Variants in CYP24A1 observed in about 807,000 individuals in gnomAD.
CYP24A1 encodes cytochrome P450 family 24 subfamily A member 1, also known as 1,25-dihydroxyvitamin D(3) 24-hydroxylase, mitochondrial.
CYP24A1 carries 68 observed loss-of-function variants against 62.4 expected under a neutral mutation model. The observed-to-expected ratio is 1.09, with a 90% CI of 0.90 to 1.33. The LOEUF is 1.33. CYP24A1 is among the 40% of genes most tolerant of loss of function. The probability of loss-of-function intolerance (pLI) is 0.00; values close to 1 mark genes in which losing one functional copy is unlikely to be tolerated. For synonymous variants in CYP24A1, 267 were observed against 253.0 expected, an observed-to-expected ratio of 1.06 and a Z score of -0.52; for missense variants, 787 against 653.0, an observed-to-expected ratio of 1.21 and a Z score of -2.24.
At position 54,173,104 on chromosome 20, in the gene CYP24A1, A is replaced by G. The variant is rs372360343; in HGVS notation, c.259-5T>C. 211 of 1,601,806 alleles carry G rather than the reference A, an allele frequency of 1.3e-4. 1 individual carries two copies. The highest frequency in any genetic ancestry group is 2.5e-5 in the Non-Finnish European group (29 of 1,179,872). On this transcript the variant is annotated splice_polypyrimidine_tract_variant and splice_region_variant and intron_variant, in intron 1 of 11. Coordinates refer to ENST00000216862, the MANE Select transcript of CYP24A1 (RefSeq NM_000782.5). The surrounding 1 kb of genome is among the most constrained non-coding windows in gnomAD (Gnocchi z 7.2). ...ATACTTCTTGTGGTACTCCACCTGC[A>G]GCCGGCCGGGCACAGCGCGGTGTCA...
chr20:54,170,570 AAAC>A (rs1438591102), intron 3 of CYP24A1, among the ~76,000 whole-genome samples: 5 of 152,140 alleles, frequency 3.3e-5, no homozygotes, highest in Non-Finnish European at 5.9e-5. Context: ...CCATTAAAAA[AAAC>A]AAGAGGTTTC....
chr20:54,144,234 C>T, the CYP24A1 span, among the ~76,000 whole-genome samples: 1 of 144,238 alleles, frequency 6.9e-6, no homozygotes, highest in Non-Finnish European at 1.5e-5. Context: ...TTTTTTTAGA[C>T]AAGGTCTCAC....
intron 2 of CYP24A1, 186 bp downstream of exon 2, chr20:54,172,723 C>T: frequency 7.2e-7 from 1 of 1,380,018 alleles, no homozygotes; most frequent in East Asian, 2.5e-5. Context: ...ACGGCTTTTC[C>T]GTGGACCGAC....
Position 54,162,229 on chromosome 20 carries a change from T to TG in CYP24A1, c.990+487_990+488insC, listed in dbSNP as rs1568968820. On this transcript the variant is annotated intron_variant, in intron 7 of 11. Coordinates refer to ENST00000216862, the MANE Select transcript of CYP24A1 (RefSeq NM_000782.5). ...TTGAAAGAGAGTATGCCTTTTTTTTTTTTTTTTTTTTTTTTTTTTTTTTTT... is the reference window on the plus strand; with the variant it reads ...TTGAAAGAGAGTATGCCTTTTTTTTTGTTTTTTTTTTTTTTTTTTTTTTTTT... Among the ~76,000 whole-genome samples the TG allele has an allele frequency of 2.1e-4, 10 of 48,594 alleles. No individual in the cohort carries two copies. The East Asian group carries it at 4.3e-3, about 21-fold the overall frequency. The allele number at this position is 48,594 out of a possible 152,430, so 31.9% of individuals were successfully genotyped here. A position where few individuals can be genotyped will look rare whatever the true frequency, so the allele number is the denominator to read the frequency against.
Position 54,161,831 on chromosome 20 carries a change from A to G in CYP24A1, c.990+886T>C, listed in dbSNP as rs537352466. Among the ~76,000 whole-genome samples the G allele has an allele frequency of 2.5e-3, 379 of 152,290 alleles. 1 individual carries two copies. Among genetic ancestry groups the G allele is most frequent in the Non-Finnish European group, 2.3e-3 (158 of 68,028 alleles). ...TGAGAACCTCGCTATCTCCTGATAG[A>G]GAAAACCCTACCTTTACTTCAGGCA... On this transcript the variant is annotated intron_variant, in intron 7 of 11. Coordinates refer to ENST00000216862, the MANE Select transcript of CYP24A1 (RefSeq NM_000782.5).
intron 4 of CYP24A1, among the ~76,000 whole-genome samples, chr20:54,168,815 C>T (rs2092682504): frequency 2.3e-5 from 2 of 85,860 alleles, no homozygotes; most frequent in African/African-American, 8.7e-5. Flanking sequence ...TCCCTCCCTC[C>T]CTCCTTCCTT....
intron 3 of CYP24A1, 148 bp from the exon 4 acceptor site, chr20:54,169,836 A>G (rs1348622655): frequency 1.3e-6 from 2 of 1,510,294 alleles, no homozygotes; most frequent in African/African-American, 1.4e-5. Flanking sequence ...CTAATTATAT[A>G]TTCTCCCTGG....
rs1415748013 is a variant in CYP24A1 at position 54,165,606 on chromosome 20, C to T, written c.732+136G>A. 4 of 714,760 alleles carry T rather than the reference C, an allele frequency of 5.6e-6. No individual in the cohort carries two copies. In the East Asian group the frequency reaches 1.1e-4, roughly 19 times the overall value. The allele number at this position is 714,760 out of a possible 1,614,324, so 44.3% of individuals were successfully genotyped here. On this transcript the variant is annotated intron_variant, in intron 5 of 11. Coordinates refer to ENST00000216862, the MANE Select transcript of CYP24A1 (RefSeq NM_000782.5). Reference sequence around the variant, plus strand: ...CATAAATATACTAAAATATATAATGCACATTAAAATGAACACTTAACTATT... The same window carrying T: ...CATAAATATACTAAAATATATAATGTACATTAAAATGAACACTTAACTATT...
At chr20:54,162,557 G>A (rs1298935860) in intron 7 of CYP24A1, 160 bp downstream of exon 7, 1 of 496,940 alleles carries the variant, frequency 2.0e-6, no homozygotes, top group Admixed American at 2.8e-5. Flanking sequence ...GATGCTGTGC[G>A]CGGAGGCACC....
Position 54,168,627 on chromosome 20 carries a change from T to A in CYP24A1, c.640+965A>T, listed in dbSNP as rs2092680776. 2.0e-5 allele frequency among the ~76,000 whole-genome samples: 3 copies of A among 152,224 alleles called. No homozygotes were observed. In the South Asian group the frequency reaches 6.2e-4, roughly 32 times the overall value. On this transcript the variant is annotated intron_variant, in intron 4 of 11. Coordinates refer to ENST00000216862, the MANE Select transcript of CYP24A1 (RefSeq NM_000782.5). ...TTAGGACTTACCTCAAATGTCTTCT[T>A]ACTAAAAAAGACTTGCCCCTCTTTC...
chr20:54,157,507 G>T lies in CYP24A1; in HGVS notation c.1315C>A (p.Arg439Ser), dbSNP rs374292194. 5.6e-6 allele frequency: 9 copies of T among 1,593,532 alleles called. No individual in the cohort carries two copies. The African/African-American group carries it at 1.2e-4, about 21-fold the overall frequency. ...ATTTTTTCCTTCTCCTGAAGCCAAC[G>T]TTCAGGTCTAAACTGACTTGAATCT... Reference protein sequence around the residue: ...FEDSSQFRPERWLQEKEKINP... With the variant: ...FEDSSQFRPESWLQEKEKINP... Residue 439 changes from arginine (R) to serine (S), a missense_variant, in exon 10 of 12, where the codon CGT (arginine) becomes AGT (serine). Coordinates refer to ENST00000216862, the MANE Select transcript of CYP24A1 (RefSeq NM_000782.5).
chr20:54,158,214 T>G (rs2092636861), intron 8 of CYP24A1, 50 bp from the exon 9 acceptor site: 1 of 1,609,976 alleles, frequency 6.2e-7, no homozygotes, highest in Admixed American at 1.7e-5. Flanking sequence ...CTAAGTTCTC[T>G]CTGAAGTGTC....
At chr20:54,150,795 GAAATGT>G (rs2092611405), downstream of CYP24A1, among the ~76,000 whole-genome samples, 1 of 152,200 alleles carries the variant, frequency 6.6e-6, no homozygotes, top group African/African-American at 2.4e-5. Context: ...CAGAAAATTT[GAAATGT>G]ACGTAGCTCG....
chr20:54,157,988 A>G lies in CYP24A1; in HGVS notation c.1236+98T>C, dbSNP rs925449087. On this transcript the variant is annotated intron_variant, in intron 9 of 11. Coordinates refer to ENST00000216862, the MANE Select transcript of CYP24A1 (RefSeq NM_000782.5). ...CTACCATCTCTGCATTCCCAAAATG[A>G]ATATTTTCCAGTACAAAGTCTAGGG... 3.8e-6 allele frequency: 6 copies of G among 1,563,614 alleles called. No homozygotes were observed. The African/African-American group carries it at 5.4e-5, about 14-fold the overall frequency.
intron 4 of CYP24A1, among the ~76,000 whole-genome samples, chr20:54,168,511 C>G (rs1461461302): frequency 1.5e-4 from 23 of 152,162 alleles, no homozygotes; most frequent in Admixed American, 1.4e-3. Context: ...ACTCGGCGCT[C>G]ATGCTTCCAC....
At chr20:54,147,036 A>T in the CYP24A1 span, among the ~76,000 whole-genome samples, 1 of 152,228 alleles carries the variant, frequency 6.6e-6, no homozygotes, top group African/African-American at 2.4e-5. Flanking sequence ...TTGCTGATAG[A>T]TTCATTGACT....
intron 4 of CYP24A1, among the ~76,000 whole-genome samples, chr20:54,168,596 C>T (rs187302923): frequency 5.4e-4 from 82 of 152,348 alleles, no homozygotes; most frequent in African/African-American, 1.8e-3. Flanking sequence ...TGCTCCTTCC[C>T]TTCCTTTAGG....
intron 5 of CYP24A1, 65 bp downstream of exon 5, chr20:54,165,677 G>T: frequency 1.1e-6 from 1 of 890,760 alleles, no homozygotes; most frequent in Non-Finnish European, 1.9e-6. Flanking sequence ...TCACTGTGAA[G>T]TTCTGTAAAA....
In CYP24A1 at chr20:54,173,860, G is replaced by C; in HGVS notation, c.-281C>G. ...CGGTGTCTGGGGACCTCTTGAAAAG[G>C]GAAAGCTGGGAGTCCTCCTGTTGGT... On this transcript the variant is annotated 5_prime_UTR_variant, in exon 1 of 12. Transcript: ENST00000216862. The surrounding 1 kb of genome is among the most constrained non-coding windows in gnomAD (Gnocchi z 7.2). 1.9e-6 allele frequency: 1 copy of C among 532,278 alleles called. No individual in the cohort carries two copies. The highest frequency in any genetic ancestry group is 2.4e-5 in the South Asian group (1 of 42,336). The allele number at this position is 532,278 out of a possible 1,614,324, so 33.0% of individuals were successfully genotyped here.
Sources: gnomAD v4.1 joint callset for allele counts (sites outside exome capture counted in the v4.1 genomes callset) on GRCh38, gnomAD v4.1.1 for gene constraint, Gnocchi (gnomAD v3.1) non-coding constraint, MANE v1.5 for transcripts, NCBI Gene and HGNC (gene_info 2026-07-23, HGNC 2026-07-21) for gene names.